Variants in GPHN observed in about 807,000 individuals in gnomAD.
GPHN encodes the protein gephyrin.
Under a neutral mutation model 95.5 loss-of-function variants are expected in GPHN, and 17 were observed. The ratio of observed to expected loss-of-function variants is 0.18; its 90% CI spans 0.12 to 0.27. The LOEUF (loss-of-function observed/expected upper bound fraction) is 0.27, where lower values mean the gene tolerates loss of function less well. Among genes scored for constraint, GPHN ranks in the 10% least tolerant of loss-of-function variants. The pLI is 1.00. For synonymous variants in GPHN, 320 were observed against 322.5 expected (o/e 0.99, Z 0.08); for missense variants, 660 against 978.1 (o/e 0.67, Z 4.34).
At chr14:67,651,457 AAGC>A in the GPHN span, 1 of 1,613,918 alleles carries the variant, frequency 6.2e-7, no homozygotes, top group Non-Finnish European at 8.5e-7. Context: ...TGATAATGGA[AAGC>A]AGCAGCTTGT....
chr14:67,418,825 T>C, the GPHN span, among the ~76,000 whole-genome samples: 2 of 152,062 alleles, frequency 1.3e-5, no homozygotes, highest in Non-Finnish European at 2.9e-5. Flanking sequence ...GTGGGTGCCC[T>C]CTCCCTGTCA....
intron 1 of GPHN, among the ~76,000 whole-genome samples, chr14:66,567,052 A>G (rs2060489801): frequency 6.6e-6 from 1 of 152,208 alleles, no homozygotes; most frequent in African/African-American, 2.4e-5. Flanking sequence ...CAGGAAATTC[A>G]TCAAGAGAAG....
intron 2 of GPHN, among the ~76,000 whole-genome samples, chr14:66,690,757 G>T (rs1409602709): frequency 6.6e-6 from 1 of 152,034 alleles, no homozygotes; most frequent in South Asian, 2.1e-4. Context: ...ATTATGTAAT[G>T]ACCTTCTTTG....
chr14:66,959,352 A>G (rs1319778542), intron 8 of GPHN, among the ~76,000 whole-genome samples: 1 of 152,108 alleles, frequency 6.6e-6, no homozygotes, highest in South Asian at 2.1e-4. Flanking sequence ...GTGTTTACCT[A>G]TGTAGAGTTC....
intron 3 of GPHN, among the ~76,000 whole-genome samples, chr14:66,787,250 A>G (rs118023734): frequency 0.012 from 1,880 of 152,294 alleles, 18 homozygotes; most frequent in Non-Finnish European, 0.018. Flanking sequence ...ACCATTTACA[A>G]TTGTTCAAAA....
In GPHN at chr14:66,711,587, CTT is replaced by C. The variant is rs57175111; in HGVS notation, c.143+30419_143+30420del. On this transcript the variant is annotated intron_variant, in intron 2 of 22. Transcript: ENST00000478722. ...GGGTTTGCTGGATCAAATGGTAGTT[CTT>C]TTTTTTTTTTTTTTTTAAATTATAC... 2.1e-3 allele frequency among the ~76,000 whole-genome samples: 274 copies of C among 130,912 alleles called. 1 individual carries two copies. The highest frequency in any genetic ancestry group is 5.3e-3 in the African/African-American group (195 of 36,874). The allele number at this position is 130,912 out of a possible 152,430, so 85.9% of individuals were successfully genotyped here.
the GPHN span, among the ~76,000 whole-genome samples, chr14:67,630,534 G>A: frequency 6.6e-6 from 1 of 152,188 alleles, no homozygotes; most frequent in Non-Finnish European, 1.5e-5. Flanking sequence ...TAGTTCATGT[G>A]ACCACATCCA....
intron 1 of GPHN, among the ~76,000 whole-genome samples, chr14:66,541,036 C>A (rs1279705046): frequency 1.3e-5 from 2 of 151,500 alleles, no homozygotes; most frequent in Admixed American, 6.6e-5. Flanking sequence ...CAACCTCTGC[C>A]TCCCGGGTTC....
At chr14:67,672,456 T>C in the GPHN span, among the ~76,000 whole-genome samples, 322 of 146,880 alleles carry the variant, frequency 2.2e-3, 7 homozygotes, top group East Asian at 0.053. Flanking sequence ...TCTTTTTTTT[T>C]TTTTTTTGAT....
At chr14:66,525,855 T>C (rs1400444288) in intron 1 of GPHN, among the ~76,000 whole-genome samples, 1 of 152,228 alleles carries the variant, frequency 6.6e-6, no homozygotes, top group Non-Finnish European at 1.5e-5. Context: ...ATATCTGTTT[T>C]GGTACCTGTA....
At chr14:67,705,541 G>T in the GPHN span, among the ~76,000 whole-genome samples, 1 of 152,188 alleles carries the variant, frequency 6.6e-6, no homozygotes, top group African/African-American at 2.4e-5. Context: ...TAAATGCAAT[G>T]TGGGGTCCTG....
chr14:67,323,616 A>ATATATATATATTAGAT, the GPHN span: 6,639 of 133,078 alleles, frequency 0.05, 98 homozygotes, highest in Middle Eastern at 0.078. Context: ...CCTTAATCTA[A>ATATATATATATTAGAT]TATATATATA....
chr14:67,662,582 A>T, the GPHN span: 14 of 1,529,284 alleles, frequency 9.2e-6, no homozygotes, highest in African/African-American at 1.9e-4. Flanking sequence ...GTTTCCACAC[A>T]TTTGTAAAGG....
chr14:67,119,356 CAT>C (rs770083223), intron 16 of GPHN, among the ~76,000 whole-genome samples: 11 of 152,104 alleles, frequency 7.2e-5, no homozygotes, highest in Admixed American at 2.0e-4. Context: ...GAAATTCAGA[CAT>C]AATGTAATGA....
intron 9 of GPHN, among the ~76,000 whole-genome samples, chr14:66,998,633 C>T (rs1410072211): frequency 6.6e-6 from 1 of 151,972 alleles, no homozygotes; most frequent in African/African-American, 2.4e-5. Context: ...TCTTCTTTCC[C>T]TTACATTTAC....
chr14:66,535,101 T>C (rs1181079937), intron 1 of GPHN, among the ~76,000 whole-genome samples: 1 of 152,154 alleles, frequency 6.6e-6, no homozygotes, highest in African/African-American at 2.4e-5. Context: ...TTTTTGAAAT[T>C]GTATTACTTT....
At chr14:67,329,924 A>G in the GPHN span, among the ~76,000 whole-genome samples, 5 of 151,136 alleles carry the variant, frequency 3.3e-5, no homozygotes, top group African/African-American at 1.2e-4. Flanking sequence ...ACTGGATGCA[A>G]AATGTAACCA....
the GPHN span, among the ~76,000 whole-genome samples, chr14:67,326,221 ATTTTTTTTTTTTTTTT>A: frequency 2.9e-3 from 37 of 12,914 alleles, no homozygotes; most frequent in Admixed American, 8.9e-3. Context: ...TTTAGGTCTG[ATTTTTTTTTTTTTTTT>A]TTTTTTTTTT....
intron 18 of GPHN, among the ~76,000 whole-genome samples, chr14:67,157,866 C>G (rs10139792): frequency 1.4e-4 from 18 of 129,502 alleles, no homozygotes; most frequent in Admixed American, 3.2e-4. Context: ...GAGAGAGTGG[C>G]GGCGGGGGTG....
Sources: allele counts gnomAD v4.1 joint callset (sites outside exome capture counted in the v4.1 genomes callset), GRCh38; gene constraint gnomAD v4.1.1; transcripts MANE v1.5; gene names NCBI Gene and HGNC (gene_info 2026-07-23, HGNC 2026-07-21).